The following POLR2B variants were observed in gnomAD, a reference collection of about 807,000 sequenced individuals.
POLR2B encodes RNA polymerase II subunit B, also known as DNA-directed RNA polymerase II subunit RPB2.
In POLR2B, 57 loss-of-function variants were observed where a neutral mutation model predicts 144.6. The ratio of observed to expected loss-of-function variants is 0.39; its 90% CI spans 0.32 to 0.49. The LOEUF is 0.49. Ranked by LOEUF, POLR2B falls within the 20% of genes least tolerant of loss-of-function variation. The probability of loss-of-function intolerance (pLI) is 0.83; values close to 1 mark genes in which losing one functional copy is unlikely to be tolerated. For missense variants in POLR2B, 595 were observed against 1,467.4 expected, an observed-to-expected ratio of 0.41 and a Z score of 9.71; for synonymous variants, 442 against 469.8, an observed-to-expected ratio of 0.94 and a Z score of 0.77.
Position 57,030,989 on chromosome 4 carries a change from C to T in POLR2B, c.*1C>T, listed in dbSNP as rs1436918461. On this transcript the variant is annotated 3_prime_UTR_variant, in exon 25 of 25. Coordinates refer to ENST00000314595, the MANE Select transcript of POLR2B (RefSeq NM_000938.3). Reference sequence around the variant, plus strand: ...TGCACCGCGAATGATGAGTGTTTAGCTATTTTACAGGAGTCAACAAGATAA... The same window carrying T: ...TGCACCGCGAATGATGAGTGTTTAGTTATTTTACAGGAGTCAACAAGATAA... The T allele has an allele frequency of 1.9e-6, 3 of 1,552,162 alleles. No individual in the cohort carries two copies. The highest frequency in any genetic ancestry group is 2.7e-6 in the Non-Finnish European group (3 of 1,123,702).
At chr4:56,991,228 A>T (rs920417300) in intron 3 of POLR2B, among the ~76,000 whole-genome samples, 1 of 152,190 alleles carries the variant, frequency 6.6e-6, no homozygotes, top group Non-Finnish European at 1.5e-5. Context: ...AAAATAATAA[A>T]AAATGTTTGA....
At chr4:56,997,187 C>T (rs770459242) in intron 6 of POLR2B, among the ~76,000 whole-genome samples, 11 of 151,894 alleles carry the variant, frequency 7.2e-5, no homozygotes, top group Admixed American at 2.6e-4. Flanking sequence ...CCAAATGACA[C>T]CTATTACATA....
chr4:56,996,276 ATATT>A (rs1722683099), intron 6 of POLR2B, among the ~76,000 whole-genome samples: 3 of 85,568 alleles, frequency 3.5e-5, no homozygotes, highest in South Asian at 4.9e-4. Context: ...ATATATATAT[ATATT>A]TTTTTTTTTT....
intron 7 of POLR2B, chr4:57,002,597 T>A: frequency 6.6e-6 from 1 of 152,204 alleles, no homozygotes; most frequent in Admixed American, 6.5e-5. Flanking sequence ...TCACTTTGAT[T>A]TACTGTACTA....
At chr4:57,001,169 C>A (rs1722840763) in intron 7 of POLR2B, among the ~76,000 whole-genome samples, 2 of 152,044 alleles carry the variant, frequency 1.3e-5, no homozygotes, top group South Asian at 4.2e-4. Flanking sequence ...ACAATCCTTC[C>A]TTGGCCTTAT....
At chr4:57,004,882 G>A (rs149705703) in intron 7 of POLR2B, among the ~76,000 whole-genome samples, 1 of 152,010 alleles carries the variant, frequency 6.6e-6, no homozygotes, top group African/African-American at 2.4e-5. Context: ...TGGGGGTTTC[G>A]CCATGTTGCC....
intron 21 of POLR2B, 69 bp downstream of exon 21, chr4:57,024,181 C>A: frequency 3.8e-6 from 3 of 799,772 alleles, no homozygotes; most frequent in Non-Finnish European, 6.1e-6. Flanking sequence ...TAGGTGATTG[C>A]TCTCACATTT....
chr4:57,029,988 G>T (rs938658056), intron 23 of POLR2B, among the ~76,000 whole-genome samples: 1 of 152,120 alleles, frequency 6.6e-6, no homozygotes, highest in Non-Finnish European at 1.5e-5. Flanking sequence ...GATTACAGGG[G>T]TGAGCCACTT....
At position 56,990,627 on chromosome 4, in the gene POLR2B, A is replaced by G. The variant is rs566889994; in HGVS notation, c.93-121A>G. The stretch of plus-strand genomic sequence containing the variant: ...TAGTGTCTTGTTTAGTGGTTGACAT[A>G]TAATGGTTGGTATTTTATGACTGTT... On this transcript the variant is annotated intron_variant, in intron 2 of 24. Coordinates refer to ENST00000314595, the MANE Select transcript of POLR2B (RefSeq NM_000938.3). The G allele has an allele frequency of 5.2e-4, 418 of 809,808 alleles. 1 individual carries two copies. Among genetic ancestry groups the G allele is most frequent in the Non-Finnish European group, 4.7e-4 (234 of 500,732 alleles). The allele number at this position is 809,808 out of a possible 1,614,324, so 50.2% of individuals were successfully genotyped here.
At chr4:57,001,126 T>A (rs1471990364) in intron 7 of POLR2B, among the ~76,000 whole-genome samples, 1 of 152,202 alleles carries the variant, frequency 6.6e-6, no homozygotes, top group Non-Finnish European at 1.5e-5. Flanking sequence ...GAATAACGCA[T>A]TGCATTTTGA....
intron 10 of POLR2B, among the ~76,000 whole-genome samples, chr4:57,009,110 G>A (rs1437023095): frequency 6.6e-6 from 1 of 152,124 alleles, no homozygotes; most frequent in Non-Finnish European, 1.5e-5. Context: ...TTGTAGAGAT[G>A]GAGAGTAAAT....
intron 11 of POLR2B, 110 bp downstream of exon 11, chr4:57,010,614 T>G (rs1578579490): frequency 7.4e-7 from 1 of 1,359,754 alleles, no homozygotes; most frequent in East Asian, 2.4e-5. Context: ...GGTTTAGAAA[T>G]AAGTTTTTTT....
intron 3 of POLR2B, 141 bp downstream of exon 3, chr4:56,991,039 G>T: frequency 3.5e-6 from 2 of 578,244 alleles, no homozygotes; most frequent in Non-Finnish European, 2.9e-6. Flanking sequence ...ATCACTTTCT[G>T]ATTTATTTTC....
chr4:56,989,870 A>G (rs1050556597), intron 2 of POLR2B, among the ~76,000 whole-genome samples: 1 of 152,120 alleles, frequency 6.6e-6, no homozygotes, highest in African/African-American at 2.4e-5. Context: ...TTGTCTCTGT[A>G]TGTCTTTCCC....
chr4:56,995,090 T>C (rs1393064473), intron 5 of POLR2B, among the ~76,000 whole-genome samples, 161 bp from the exon 6 acceptor site: 1 of 152,202 alleles, frequency 6.6e-6, no homozygotes, highest in African/African-American at 2.4e-5. Context: ...GTTTATGTAT[T>C]TCTATGAAGC....
chr4:56,992,859 G>A (rs1455845053), intron 3 of POLR2B, among the ~76,000 whole-genome samples: 1 of 151,600 alleles, frequency 6.6e-6, no homozygotes, highest in South Asian at 2.1e-4. Flanking sequence ...ATTTTTAATA[G>A]GCATTAGGAA....
At chr4:57,005,070 C>T (rs952452207) in intron 7 of POLR2B, among the ~76,000 whole-genome samples, 176 bp from the exon 8 acceptor site, 1 of 152,090 alleles carries the variant, frequency 6.6e-6, no homozygotes, top group South Asian at 2.1e-4. Context: ...TGTCAGAGAT[C>T]GCTAGATCTC....
rs767540267 is a variant in POLR2B at position 57,023,312 on chromosome 4, G to A, written c.2516-18G>A. 4.5e-5 allele frequency: 72 copies of A among 1,612,384 alleles called. No homozygotes were observed. Among genetic ancestry groups the A allele is most frequent in the Non-Finnish European group, 5.6e-5 (66 of 1,178,920 alleles). ...TTTGTTGGGGATTATGTGACATTCCGTGTCTATTTCCTCACAGGCATGAGG... is the reference window on the plus strand; with the variant it reads ...TTTGTTGGGGATTATGTGACATTCCATGTCTATTTCCTCACAGGCATGAGG... On this transcript the variant is annotated intron_variant, in intron 18 of 24. Coordinates refer to ENST00000314595, the MANE Select transcript of POLR2B (RefSeq NM_000938.3). This position sits in a 1 kb window ranked among gnomAD's most constrained non-coding sequence, Gnocchi z 4.3.
intron 2 of POLR2B, among the ~76,000 whole-genome samples, chr4:56,988,413 C>T (rs1722397743): frequency 6.6e-6 from 1 of 152,012 alleles, no homozygotes; most frequent in Non-Finnish European, 1.5e-5. Context: ...CCCGTAATCC[C>T]AACACTTTGG....
Sources: gnomAD v4.1 joint callset for allele counts (sites outside exome capture counted in the v4.1 genomes callset) on GRCh38, gnomAD v4.1.1 for gene constraint, Gnocchi (gnomAD v3.1) non-coding constraint, MANE v1.5 for transcripts, NCBI Gene and HGNC (gene_info 2026-07-23, HGNC 2026-07-21) for gene names.